The following SPCS2 variants were observed in gnomAD, a reference collection of about 807,000 sequenced individuals.
SPCS2 encodes SPase 25 kDa subunit.
In SPCS2, 3 loss-of-function variants were observed where a neutral mutation model predicts 22.3. The ratio of observed to expected loss-of-function variants is 0.13; its 90% CI spans 0.06 to 0.35. The LOEUF (loss-of-function observed/expected upper bound fraction) is 0.35, where lower values mean the gene tolerates loss of function less well. Among genes scored for constraint, SPCS2 ranks in the 10% least tolerant of loss-of-function variants. SPCS2 has a pLI of 1.00. For missense variants in SPCS2, 169 were observed against 280.9 expected, an observed-to-expected ratio of 0.60 and a Z score of 2.85; for synonymous variants, 67 against 97.2, an observed-to-expected ratio of 0.69 and a Z score of 1.83.
At chr11:74,963,761 A>G (rs1289617312) in intron 1 of SPCS2, 5 of 194,528 alleles carry the variant, frequency 2.6e-5, no homozygotes, top group Admixed American at 5.6e-5. Context: ...AAAGATAAAT[A>G]TGACATTCTC....
At chr11:74,964,974 A>G in intron 1 of SPCS2, 60 bp from the exon 2 acceptor site, 3 of 1,196,636 alleles carry the variant, frequency 2.5e-6, no homozygotes, top group Non-Finnish European at 2.4e-6. Context: ...AAAATGGTTC[A>G]TTTTACTTTC....
At chr11:74,973,321 C>T (rs1948597682) in intron 4 of SPCS2, among the ~76,000 whole-genome samples, 1 of 152,118 alleles carries the variant, frequency 6.6e-6, no homozygotes, top group Non-Finnish European at 1.5e-5. Flanking sequence ...GGCTCATTGG[C>T]ACTCTCTCTA....
At chr11:74,949,507 G>A (rs1565480499) in intron 1 of SPCS2, 108 bp downstream of exon 1, 3 of 988,814 alleles carry the variant, frequency 3.0e-6, no homozygotes, top group Non-Finnish European at 4.7e-6. Flanking sequence ...TTTGAGGGGA[G>A]CCCTTGTGTG....
At chr11:74,976,390 T>C (rs1948613988) in intron 4 of SPCS2, among the ~76,000 whole-genome samples, 1 of 152,088 alleles carries the variant, frequency 6.6e-6, no homozygotes, top group African/African-American at 2.4e-5. Flanking sequence ...AGTATTTGAG[T>C]TGAGTATTGA....
intron 1 of SPCS2, among the ~76,000 whole-genome samples, chr11:74,958,726 T>C (rs1948493452): frequency 6.6e-6 from 1 of 152,144 alleles, no homozygotes; most frequent in South Asian, 2.1e-4. Flanking sequence ...CATCTCTGTC[T>C]CTTCTCTTTC....
intron 1 of SPCS2, among the ~76,000 whole-genome samples, chr11:74,953,422 ACCT>A (rs2140213377): frequency 6.6e-6 from 1 of 152,174 alleles, no homozygotes; most frequent in East Asian, 1.9e-4. Flanking sequence ...CAAACTCCTG[ACCT>A]CAGGTGATCC....
chr11:74,969,133 T>G (rs1948566564), intron 3 of SPCS2, among the ~76,000 whole-genome samples: 1 of 152,240 alleles, frequency 6.6e-6, no homozygotes, highest in African/African-American at 2.4e-5. Flanking sequence ...ACATACTCTC[T>G]TATAGTAAAC....
intron 1 of SPCS2, chr11:74,949,674 A>G: frequency 2.0e-6 from 1 of 493,928 alleles, no homozygotes; most frequent in Non-Finnish European, 4.0e-6. Context: ...CCTATATTTA[A>G]TCGTGTCCAT....
intron 1 of SPCS2, chr11:74,963,455 TAA>T: frequency 3.4e-6 from 1 of 293,680 alleles, no homozygotes; most frequent in Non-Finnish European, 6.6e-6. Flanking sequence ...GAATCACAGT[TAA>T]AAAAAAAACA....
At position 74,963,851 on chromosome 11, in the gene SPCS2, A is replaced by G. The variant is rs183421032; in HGVS notation, c.115-1183A>G. Among the ~76,000 whole-genome samples, 1,370 of 152,348 alleles carry G rather than the reference A, an allele frequency of 9.0e-3. 21 individuals are homozygous for G. The highest frequency in any genetic ancestry group is 0.011 in the Non-Finnish European group (719 of 68,042). ...TGGTTTGTAATTTTTATGGAATACA[A>G]TATTTGTTCACTTGATCTAAAAAAT... On this transcript the variant is annotated intron_variant, in intron 1 of 4. Coordinates refer to ENST00000263672, the MANE Select transcript of SPCS2 (RefSeq NM_014752.3).
At chr11:74,969,146 T>C (rs1591740813) in intron 3 of SPCS2, among the ~76,000 whole-genome samples, 1 of 152,220 alleles carries the variant, frequency 6.6e-6, no homozygotes, top group East Asian at 1.9e-4. Context: ...TAGTAAACTA[T>C]TTGGGTCACT....
chr11:74,975,195 G>A (rs1462195937), intron 4 of SPCS2, among the ~76,000 whole-genome samples: 1 of 152,012 alleles, frequency 6.6e-6, no homozygotes, highest in Non-Finnish European at 1.5e-5. Flanking sequence ...CTGTTCTTAA[G>A]ACATTTCAGG....
At chr11:74,965,300 T>G in intron 2 of SPCS2, 183 bp downstream of exon 2, 1 of 512,694 alleles carries the variant, frequency 2.0e-6, no homozygotes, top group South Asian at 2.7e-5. Flanking sequence ...ATCACCAACA[T>G]GGCACATGTA....
chr11:74,959,990 T>C (rs1339693104), intron 1 of SPCS2, among the ~76,000 whole-genome samples: 2 of 152,208 alleles, frequency 1.3e-5, no homozygotes, highest in Non-Finnish European at 2.9e-5. Context: ...AGCTATCAAA[T>C]GCCTGTTTTC....
At chr11:74,970,329 A>T (rs1243664613) in intron 4 of SPCS2, among the ~76,000 whole-genome samples, 1 of 152,202 alleles carries the variant, frequency 6.6e-6, no homozygotes, top group Non-Finnish European at 1.5e-5. Context: ...GCAAATGTTT[A>T]TTGAACATTT....
intron 1 of SPCS2, among the ~76,000 whole-genome samples, chr11:74,951,810 C>CAAAAAAAAAAAA (rs61038317): frequency 4.7e-4 from 38 of 81,384 alleles, no homozygotes; most frequent in African/African-American, 1.6e-3. Context: ...AACTCTGTCT[C>CAAAAAAAAAAAA]AAAAAAAAAA....
At chr11:74,952,856 TC>T (rs1256099593) in intron 1 of SPCS2, among the ~76,000 whole-genome samples, 5 of 152,326 alleles carry the variant, frequency 3.3e-5, no homozygotes, top group African/African-American at 9.6e-5. Flanking sequence ...ATTGAACTGT[TC>T]CCTCCCTGAA....
chr11:74,972,305 C>G (rs116360482), intron 4 of SPCS2, among the ~76,000 whole-genome samples: 1 of 152,270 alleles, frequency 6.6e-6, no homozygotes, highest in East Asian at 1.9e-4. Context: ...CTCAAGTGAT[C>G]GCCTAGCCTT....
chr11:74,965,947 T>G, intron 3 of SPCS2, 24 bp downstream of exon 3: 2 of 1,569,480 alleles, frequency 1.3e-6, no homozygotes, highest in Non-Finnish European at 1.7e-6. Flanking sequence ...ATGCTCAGGT[T>G]GTTTTCTAGT....
Sources: allele counts gnomAD v4.1 joint callset (sites outside exome capture counted in the v4.1 genomes callset), GRCh38; gene constraint gnomAD v4.1.1; transcripts MANE v1.5; gene names NCBI Gene and HGNC (gene_info 2026-07-23, HGNC 2026-07-21).